The following KCNJ6 variants were observed in gnomAD, a reference collection of about 807,000 sequenced individuals.
The protein encoded by KCNJ6 is G protein-activated inward rectifier potassium channel 2.
KCNJ6 carries 9 observed loss-of-function variants against 34.2 expected under a neutral mutation model. The ratio of observed to expected loss-of-function variants is 0.26; its 90% CI spans 0.16 to 0.46. The LOEUF (loss-of-function observed/expected upper bound fraction) is 0.46. KCNJ6 is among the 20% of genes least tolerant of loss of function. The pLI is 1.00. For synonymous variants in KCNJ6, 196 were observed against 207.1 expected (o/e 0.95, Z 0.46); for missense variants, 236 against 531.3 (o/e 0.44, Z 5.46).
At position 37,615,795 on chromosome 21, in the gene KCNJ6, G is replaced by C. The variant is rs1166389697; in HGVS notation, c.*9364C>G. The C allele has an allele frequency of 6.6e-6, 1 of 152,152 alleles. No individual in the cohort carries two copies. The highest frequency in any genetic ancestry group is 1.5e-5 in the Non-Finnish European group (1 of 68,014). 9.4% of individuals were successfully genotyped at this position (152,152 alleles called of 1,614,324 possible). ...ATCTTCTAGGCAGAATTTATTTAGT[G>C]TTAAGAAAATGGCAACTCTTTGGAC... On this transcript the variant is annotated 3_prime_UTR_variant, in exon 4 of 4. Coordinates refer to ENST00000609713, the MANE Select transcript of KCNJ6 (RefSeq NM_002240.5).
intron 3 of KCNJ6, among the ~76,000 whole-genome samples, chr21:37,644,580 T>A (rs759386162): frequency 1.3e-5 from 2 of 152,216 alleles, no homozygotes; most frequent in Non-Finnish European, 2.9e-5. Context: ...GACATATTTT[T>A]AGGTCTATGA....
chr21:37,716,889 A>C (rs1455138054), intron 2 of KCNJ6, among the ~76,000 whole-genome samples: 1 of 152,218 alleles, frequency 6.6e-6, no homozygotes, highest in African/African-American at 2.4e-5. Context: ...TTCTTCCTCC[A>C]GACTTAAATT....
chr21:37,897,821 C>T (rs1383556833), intron 1 of KCNJ6, among the ~76,000 whole-genome samples: 1 of 152,196 alleles, frequency 6.6e-6, no homozygotes, highest in Non-Finnish European at 1.5e-5. Flanking sequence ...TTCTGTACCA[C>T]CTGTTAGTAT....
intron 2 of KCNJ6, among the ~76,000 whole-genome samples, chr21:37,815,835 A>G (rs2055344112): frequency 6.6e-6 from 1 of 152,226 alleles, no homozygotes; most frequent in South Asian, 2.1e-4. Context: ...GTGAATAAAC[A>G]TGAGTGTACC....
At chr21:37,754,052 TG>T (rs1310869939) in intron 2 of KCNJ6, among the ~76,000 whole-genome samples, 5 of 152,198 alleles carry the variant, frequency 3.3e-5, no homozygotes, top group African/African-American at 4.8e-5. Context: ...TGAAGACATC[TG>T]GGGCCTGGGC....
At chr21:37,751,300 A>C (rs2054994072) in intron 2 of KCNJ6, among the ~76,000 whole-genome samples, 1 of 152,220 alleles carries the variant, frequency 6.6e-6, no homozygotes, top group Admixed American at 6.5e-5. Context: ...TGTAGCATGC[A>C]CTGCCCTGGA....
intron 3 of KCNJ6, among the ~76,000 whole-genome samples, chr21:37,672,920 A>G (rs2054548570): frequency 6.6e-6 from 1 of 152,204 alleles, no homozygotes; most frequent in African/African-American, 2.4e-5. Context: ...CTGGGACTAC[A>G]GGTGCATGCT....
rs890459047 is a variant in KCNJ6, at chr21:37,623,750, A to G, written c.*1409T>C. On this transcript the variant is annotated 3_prime_UTR_variant, in exon 4 of 4. Coordinates refer to ENST00000609713, the MANE Select transcript of KCNJ6 (RefSeq NM_002240.5). ...CTAGCCTGTGGCATACTCTAGAGAC[A>G]TTTCTTAGACAATCATCAAGATTGT... is the stretch of plus-strand genomic sequence containing the variant. 1 of 152,156 alleles carries G rather than the reference A, an allele frequency of 6.6e-6. No homozygotes were observed. Among genetic ancestry groups the G allele is most frequent in the Non-Finnish European group, 1.5e-5 (1 of 68,030 alleles). 9.4% of individuals were successfully genotyped at this position (152,156 alleles called of 1,614,324 possible). A position where few individuals can be genotyped will look rare whatever the true frequency, so the allele number is the denominator to read the frequency against.
intron 1 of KCNJ6, among the ~76,000 whole-genome samples, chr21:37,849,164 C>T (rs1427312982): frequency 6.6e-6 from 1 of 152,204 alleles, no homozygotes; most frequent in African/African-American, 2.4e-5. Context: ...CAGTCTTTTC[C>T]CTGTCAGGTA....
At chr21:37,639,034 T>C (rs1320580582) in intron 3 of KCNJ6, among the ~76,000 whole-genome samples, 2 of 152,234 alleles carry the variant, frequency 1.3e-5, no homozygotes, top group Non-Finnish European at 2.9e-5. Context: ...TGTCACCTTA[T>C]TTAGCCTGAG....
chr21:37,777,703 G>A (rs149870176), intron 2 of KCNJ6, among the ~76,000 whole-genome samples: 73 of 152,272 alleles, frequency 4.8e-4, no homozygotes, highest in Middle Eastern at 6.8e-3. Flanking sequence ...CATATCAGGC[G>A]TCACTTCTGG....
At chr21:37,703,094 G>A (rs1164448310) in intron 3 of KCNJ6, among the ~76,000 whole-genome samples, 1 of 152,194 alleles carries the variant, frequency 6.6e-6, no homozygotes, top group Non-Finnish European at 1.5e-5. Context: ...AAGGGACATG[G>A]CACCAAAAGA....
chr21:37,911,693 C>T (rs577065050), intron 1 of KCNJ6, among the ~76,000 whole-genome samples: 18 of 152,234 alleles, frequency 1.2e-4, no homozygotes, highest in African/African-American at 3.9e-4. Flanking sequence ...TTCCATATTA[C>T]TTACATATCA....
chr21:37,893,283 C>T (rs1429385132), intron 1 of KCNJ6, among the ~76,000 whole-genome samples: 1 of 151,904 alleles, frequency 6.6e-6, no homozygotes, highest in Non-Finnish European at 1.5e-5. Context: ...TCGCGGATCA[C>T]TGCAATCTCT....
chr21:37,762,605 G>C (rs1292662194), intron 2 of KCNJ6, among the ~76,000 whole-genome samples: 1 of 152,206 alleles, frequency 6.6e-6, no homozygotes, highest in Admixed American at 6.5e-5. Flanking sequence ...ACTCTTGTAT[G>C]TTACCAACGC....
chr21:37,690,124 T>C (rs1319777219), intron 3 of KCNJ6, among the ~76,000 whole-genome samples: 2 of 151,946 alleles, frequency 1.3e-5, no homozygotes, highest in African/African-American at 4.8e-5. Context: ...TGACATATGA[T>C]ATAATTATTT....
intron 1 of KCNJ6, among the ~76,000 whole-genome samples, chr21:37,872,328 A>G (rs2055656567): frequency 6.6e-6 from 1 of 152,234 alleles, no homozygotes; most frequent in South Asian, 2.1e-4. Flanking sequence ...TAACATGCCT[A>G]GAAATAATAT....
At chr21:37,763,804 G>A (rs1208472946) in intron 2 of KCNJ6, among the ~76,000 whole-genome samples, 2 of 152,194 alleles carry the variant, frequency 1.3e-5, no homozygotes, top group Non-Finnish European at 2.9e-5. Context: ...TGCTCAGAAT[G>A]TGGGGGGAGG....
At chr21:37,793,542 T>C (rs529583892) in intron 2 of KCNJ6, among the ~76,000 whole-genome samples, 2 of 95,690 alleles carry the variant, frequency 2.1e-5, no homozygotes, top group East Asian at 3.4e-4. Flanking sequence ...CGAGACTCCA[T>C]CTCAAAAAAA....
Sources: allele counts gnomAD v4.1 joint callset (sites outside exome capture counted in the v4.1 genomes callset), GRCh38; gene constraint gnomAD v4.1.1; transcripts MANE v1.5; gene names NCBI Gene and HGNC (gene_info 2026-07-23, HGNC 2026-07-21).